The following CALCR variants were observed in gnomAD, a reference collection of about 807,000 sequenced individuals.
CALCR encodes calcitonin receptor.
A neutral mutation model predicts 59.5 loss-of-function variants in CALCR; 47 were observed. The ratio of observed to expected loss-of-function variants is 0.79; its 90% CI spans 0.63 to 1.01. The LOEUF (loss-of-function observed/expected upper bound fraction) is 1.01, where lower values mean the gene tolerates loss of function less well. Among genes scored for constraint, CALCR ranks in the 50% least tolerant of loss-of-function variants. The probability of loss-of-function intolerance (pLI) is 0.00; values close to 1 mark genes in which losing one functional copy is unlikely to be tolerated. For missense variants in CALCR, 566 were observed against 597.1 expected, an observed-to-expected ratio of 0.95 and a Z score of 0.54; for synonymous variants, 213 against 211.3, an observed-to-expected ratio of 1.01 and a Z score of -0.07.
intron 8 of CALCR, among the ~76,000 whole-genome samples, chr7:93,455,944 T>G (rs1257200721): frequency 6.6e-6 from 1 of 152,122 alleles, no homozygotes; most frequent in African/African-American, 2.4e-5. Flanking sequence ...AAACATGTCT[T>G]CTTGAGAATT....
intron 2 of CALCR, among the ~76,000 whole-genome samples, chr7:93,505,721 G>T (rs185449922): frequency 2.0e-5 from 3 of 152,186 alleles, no homozygotes; most frequent in African/African-American, 7.2e-5. Context: ...CCTCTCTCGT[G>T]CAAAATAGGA....
rs528408414 is a variant in CALCR at position 93,486,933 on chromosome 7, T to G, written c.49A>C (p.Asn17His). 1.3e-6 allele frequency: 2 copies of G among 1,575,158 alleles called. No homozygotes were observed. The highest frequency in any genetic ancestry group is 1.4e-5 in the African/African-American group (1 of 73,628). ...TTGAATACTTTTGTTTTACTTACAT[T>G]TAGAAGAAGAAACAGTGCCAAGCAC... is the stretch of plus-strand genomic sequence containing the variant. ...SRCLALFLLL[N>H]HPTPILPAFS... is the part of the protein sequence containing the mutation. Residue 17 changes from asparagine to histidine, a missense_variant and splice_region_variant, in exon 3 of 14, where the codon AAT (asparagine) becomes CAT (histidine). Asn to His is a moderately conservative substitution (Grantham distance 68). Coordinates refer to ENST00000426151, the MANE Select transcript of CALCR (RefSeq NM_001742.4).
intron 2 of CALCR, among the ~76,000 whole-genome samples, chr7:93,541,334 C>T (rs904374927): frequency 2.0e-5 from 3 of 151,968 alleles, no homozygotes; most frequent in East Asian, 1.9e-4. Flanking sequence ...CCATCACTCC[C>T]GGCTATTTTT....
intron 5 of CALCR, 55 bp from the exon 6 acceptor site, chr7:93,472,542 A>ATT: frequency 1.9e-6 from 2 of 1,030,886 alleles, no homozygotes; most frequent in Non-Finnish European, 3.0e-6. Context: ...CCAACAAGGA[A>ATT]AAATAATAAA....
intron 7 of CALCR, 85 bp from the exon 8 acceptor site, chr7:93,461,032 A>C: frequency 1.7e-6 from 2 of 1,147,960 alleles, no homozygotes; most frequent in Non-Finnish European, 2.5e-6. Flanking sequence ...TATTTTTCAT[A>C]TTTTCTTTAA....
intron 2 of CALCR, among the ~76,000 whole-genome samples, chr7:93,501,854 T>C (rs979311834): frequency 6.6e-6 from 1 of 152,132 alleles, no homozygotes; most frequent in African/African-American, 2.4e-5. Context: ...CAACTGACAG[T>C]TGACTCTAAC....
intron 2 of CALCR, among the ~76,000 whole-genome samples, chr7:93,523,653 G>T (rs1801811200): frequency 6.6e-6 from 1 of 152,038 alleles, no homozygotes; most frequent in Non-Finnish European, 1.5e-5. Context: ...ATTATCCTAT[G>T]AATAAAGTAG....
rs539863507 is a variant in CALCR, at chr7:93,442,946, C to T, written c.802+658G>A. Among the ~76,000 whole-genome samples the T allele has an allele frequency of 2.8e-3, 426 of 152,198 alleles. 1 individual carries two copies. Among genetic ancestry groups the T allele is most frequent in the Middle Eastern group, 3.4e-3 (1 of 294 alleles). Reference sequence around the variant, plus strand: ...CAGGGGGAGCTGGACTTTCAGCAGCCCTGGGGGAAAGGGAGCAATTCTAGA... The same window carrying T: ...CAGGGGGAGCTGGACTTTCAGCAGCTCTGGGGGAAAGGGAGCAATTCTAGA... On this transcript the variant is annotated intron_variant, in intron 9 of 13. Transcript: ENST00000426151.
intron 2 of CALCR, among the ~76,000 whole-genome samples, chr7:93,512,773 G>T (rs910517297): frequency 2.0e-5 from 3 of 152,072 alleles, no homozygotes; most frequent in African/African-American, 7.2e-5. Context: ...ATGCAATTTG[G>T]CTGCATCTGC....
At chr7:93,486,054 G>A (rs938073836) in intron 3 of CALCR, among the ~76,000 whole-genome samples, 3 of 151,558 alleles carry the variant, frequency 2.0e-5, no homozygotes, top group African/African-American at 7.3e-5. Context: ...AATAAACAAT[G>A]GAAATCCTCG....
chr7:93,516,216 T>G (rs1241555553), intron 2 of CALCR, among the ~76,000 whole-genome samples: 1 of 151,982 alleles, frequency 6.6e-6, no homozygotes, highest in Non-Finnish European at 1.5e-5. Context: ...AAAACCATGA[T>G]AATCCCAAAC....
intron 2 of CALCR, among the ~76,000 whole-genome samples, chr7:93,560,616 T>C (rs771577261): frequency 6.6e-6 from 1 of 152,110 alleles, no homozygotes; most frequent in Non-Finnish European, 1.5e-5. Flanking sequence ...CAATGAATCA[T>C]TTTAAATTTT....
intron 2 of CALCR, among the ~76,000 whole-genome samples, chr7:93,516,387 A>G (rs1280621300): frequency 6.6e-6 from 1 of 151,934 alleles, no homozygotes; most frequent in African/African-American, 2.4e-5. Context: ...TAAGAAAATA[A>G]TCATATGTGG....
intron 2 of CALCR, among the ~76,000 whole-genome samples, chr7:93,541,915 A>T (rs935785139): frequency 1.4e-4 from 21 of 152,342 alleles, no homozygotes; most frequent in African/African-American, 5.0e-4. Flanking sequence ...GCTAAGCATT[A>T]TGTTAAAATT....
intron 2 of CALCR, among the ~76,000 whole-genome samples, chr7:93,536,459 A>G (rs1265953352): frequency 6.6e-6 from 1 of 151,874 alleles, no homozygotes; most frequent in Non-Finnish European, 1.5e-5. Flanking sequence ...TTTTATATAA[A>G]GAGTAAAACC....
intron 2 of CALCR, among the ~76,000 whole-genome samples, chr7:93,566,266 A>G (rs1258631385): frequency 6.6e-6 from 1 of 152,116 alleles, no homozygotes; most frequent in Non-Finnish European, 1.5e-5. Flanking sequence ...CTGTGCAGTA[A>G]TGTTATGTTT....
chr7:93,427,438 T>C (rs1031212198), intron 13 of CALCR, among the ~76,000 whole-genome samples: 3 of 152,224 alleles, frequency 2.0e-5, no homozygotes, highest in African/African-American at 7.2e-5. Context: ...TGCAATAATC[T>C]CTATTCTGTA....
At chr7:93,455,865 T>C (rs1309979482) in intron 8 of CALCR, among the ~76,000 whole-genome samples, 1 of 152,126 alleles carries the variant, frequency 6.6e-6, no homozygotes, top group Non-Finnish European at 1.5e-5. Flanking sequence ...TGAAATACAA[T>C]ACAAATTTCA....
intron 2 of CALCR, among the ~76,000 whole-genome samples, chr7:93,560,084 G>A (rs1789710172): frequency 6.6e-6 from 1 of 152,046 alleles, no homozygotes; most frequent in African/African-American, 2.4e-5. Context: ...GTATGTTACA[G>A]TAAGAGAAAA....
Sources: gnomAD v4.1 joint callset for allele counts (sites outside exome capture counted in the v4.1 genomes callset) on GRCh38, gnomAD v4.1.1 for gene constraint, MANE v1.5 for transcripts, NCBI Gene and HGNC (gene_info 2026-07-23, HGNC 2026-07-21) for gene names.